OCA2: variants seen among roughly 807,000 people sequenced by gnomAD.
The protein encoded by OCA2 is OCA2 melanosomal transmembrane protein.
In OCA2, 77 loss-of-function variants were observed where a neutral mutation model predicts 100.2. The ratio of observed to expected loss-of-function variants is 0.77; its 90% CI spans 0.64 to 0.93. The LOEUF is 0.93. OCA2 is among the 40% of genes least tolerant of loss of function. The pLI, the probability that OCA2 is intolerant of heterozygous loss-of-function variation, is 0.00. For missense variants in OCA2, 1,062 were observed against 1,089.1 expected (o/e 0.98, Z 0.35); for synonymous variants, 432 against 439.2 (o/e 0.98, Z 0.21).
chr15:28,087,930 C>T (rs2044806019), intron 1 of OCA2, among the ~76,000 whole-genome samples: 2 of 152,086 alleles, frequency 1.3e-5, no homozygotes, highest in African/African-American at 4.8e-5. Context: ...GGCGTGGTGG[C>T]AGACACCTGT....
chr15:27,723,295 CA>C, the OCA2 span, among the ~76,000 whole-genome samples: 1 of 151,918 alleles, frequency 6.6e-6, no homozygotes, highest in Non-Finnish European at 1.5e-5. Flanking sequence ...ATGCCTGGAG[CA>C]TAGTAGGAGT....
intron 21 of OCA2, among the ~76,000 whole-genome samples, chr15:27,856,405 G>A (rs563119827): frequency 6.6e-6 from 1 of 152,270 alleles, no homozygotes; most frequent in East Asian, 1.9e-4. Flanking sequence ...AAGGGTTTTG[G>A]TGAATTTTGG....
chr15:27,855,608 T>C lies in OCA2; in HGVS notation c.2245-4133A>G, dbSNP rs570654812. ...TACTTCCATCATTGCATTTAACACT[T>C]ATCCCTCCTCCACTGGATGGGACCA... On this transcript the variant is annotated intron_variant, in intron 21 of 23. Coordinates refer to ENST00000354638, the MANE Select transcript of OCA2 (RefSeq NM_000275.3). Among the ~76,000 whole-genome samples, 4 of 152,342 alleles carry C rather than the reference T, an allele frequency of 2.6e-5. No individual in the cohort carries two copies. In the East Asian group the frequency reaches 7.7e-4, roughly 29 times the overall value.
At chr15:27,955,242 A>T (rs1595712949) in intron 16 of OCA2, 27 bp from the exon 17 acceptor site, 1 of 1,551,182 alleles carries the variant, frequency 6.4e-7, no homozygotes, top group Admixed American at 1.7e-5. Context: ...GAGACTCATT[A>T]CTTCCCTGGT....
chr15:27,884,911 CT>C (rs1360011381), intron 19 of OCA2, among the ~76,000 whole-genome samples: 7 of 152,154 alleles, frequency 4.6e-5, no homozygotes, highest in Non-Finnish European at 1.0e-4. Flanking sequence ...AACTTAGAGA[CT>C]GCACAGATCG....
the OCA2 span, among the ~76,000 whole-genome samples, chr15:27,738,499 G>A: frequency 1.4e-4 from 22 of 152,292 alleles, no homozygotes; most frequent in Admixed American, 9.8e-4. Context: ...ATTTTGGGAG[G>A]CCGAGGCGGG....
At chr15:28,083,488 A>T (rs1311854494) in intron 1 of OCA2, among the ~76,000 whole-genome samples, 1 of 152,206 alleles carries the variant, frequency 6.6e-6, no homozygotes, top group African/African-American at 2.4e-5. Flanking sequence ...GAGATAAAAC[A>T]GTTGCATTGG....
intron 19 of OCA2, among the ~76,000 whole-genome samples, chr15:27,891,162 C>A (rs1421695688): frequency 6.6e-6 from 1 of 152,108 alleles, no homozygotes; most frequent in Admixed American, 6.6e-5. Flanking sequence ...AGTTATGTTG[C>A]CATCTGATAC....
intron 13 of OCA2, among the ~76,000 whole-genome samples, chr15:27,984,196 A>T (rs1304539658): frequency 6.6e-6 from 1 of 152,030 alleles, no homozygotes; most frequent in Admixed American, 6.6e-5. Flanking sequence ...TGTCTAAGCC[A>T]CATTCTACAG....
chr15:27,837,230 C>T (rs950989476), intron 23 of OCA2, among the ~76,000 whole-genome samples: 2 of 152,112 alleles, frequency 1.3e-5, no homozygotes, highest in African/African-American at 4.8e-5. Flanking sequence ...TAGGAAGTGC[C>T]GCAAATAAGA....
intron 14 of OCA2, among the ~76,000 whole-genome samples, chr15:27,967,466 C>T (rs929314089): frequency 8.5e-5 from 13 of 152,192 alleles, no homozygotes; most frequent in Admixed American, 3.9e-4. Flanking sequence ...TAGATTGATG[C>T]CTTCCCCAAG....
At chr15:27,970,992 C>A (rs1015780340) in intron 14 of OCA2, among the ~76,000 whole-genome samples, 1 of 150,878 alleles carries the variant, frequency 6.6e-6, no homozygotes, top group South Asian at 2.1e-4. Context: ...GGTGGGAAAA[C>A]GTGAAAAATG....
the OCA2 span, among the ~76,000 whole-genome samples, chr15:27,741,169 AACT>A: frequency 6.6e-6 from 1 of 152,220 alleles, no homozygotes; most frequent in Non-Finnish European, 1.5e-5. Context: ...ATGAAAATAT[AACT>A]ACGACTTCAC....
At chr15:27,854,380 T>C (rs897506497) in intron 21 of OCA2, among the ~76,000 whole-genome samples, 4 of 152,198 alleles carry the variant, frequency 2.6e-5, no homozygotes, top group African/African-American at 9.6e-5. Flanking sequence ...CAGGGTCTGG[T>C]TCTCGAGAGT....
At chr15:28,001,594 T>C (rs1165653630) in intron 9 of OCA2, among the ~76,000 whole-genome samples, 1 of 152,164 alleles carries the variant, frequency 6.6e-6, no homozygotes, top group Non-Finnish European at 1.5e-5. Context: ...TTTTCTTTCC[T>C]TGTGTGTCTG....
intron 19 of OCA2, among the ~76,000 whole-genome samples, chr15:27,873,170 C>T (rs957966068): frequency 2.0e-5 from 3 of 152,228 alleles, no homozygotes; most frequent in African/African-American, 7.2e-5. Context: ...TTCTCACCCT[C>T]GCCCTGCTAA....
chr15:28,092,793 C>T (rs4778239), intron 1 of OCA2, among the ~76,000 whole-genome samples: 146,347 of 152,280 alleles, frequency 0.96, 70,453 homozygotes, highest in Non-Finnish European at 0.99. Flanking sequence ...TTAACAAAAT[C>T]CAACACCTAT....
chr15:28,019,484 T>A (rs2042520853), intron 6 of OCA2, among the ~76,000 whole-genome samples: 1 of 152,084 alleles, frequency 6.6e-6, no homozygotes, highest in Non-Finnish European at 1.5e-5. Flanking sequence ...AATTACAGGC[T>A]TCTGAAATAG....
chr15:27,917,397 C>A (rs998223505), intron 19 of OCA2, among the ~76,000 whole-genome samples: 6 of 152,096 alleles, frequency 3.9e-5, no homozygotes, highest in African/African-American at 1.4e-4. Context: ...AGTAGCAAAG[C>A]TGAGCTTTGA....
Sources: gnomAD v4.1 joint callset for allele counts (sites outside exome capture counted in the v4.1 genomes callset) on GRCh38, gnomAD v4.1.1 for gene constraint, MANE v1.5 for transcripts, NCBI Gene and HGNC (gene_info 2026-07-23, HGNC 2026-07-21) for gene names.